Variants in BAHD1 observed in about 807,000 individuals in gnomAD.
BAHD1 encodes the protein bromo adjacent homology domain containing 1.
Under a neutral mutation model 63.1 loss-of-function variants are expected in BAHD1, and 20 were observed. That is an observed-to-expected ratio of 0.32 (90% CI 0.22 to 0.46). The LOEUF (loss-of-function observed/expected upper bound fraction) is 0.46, where lower values mean the gene tolerates loss of function less well. BAHD1 is among the 20% of genes least tolerant of loss of function. The probability of loss-of-function intolerance (pLI) is 1.00; values close to 1 mark genes in which losing one functional copy is unlikely to be tolerated. For missense variants in BAHD1, 939 were observed against 1,071.8 expected, an observed-to-expected ratio of 0.88 and a Z score of 1.73; for synonymous variants, 408 against 426.8, an observed-to-expected ratio of 0.96 and a Z score of 0.54.
intron 4 of BAHD1, 100 bp downstream of exon 4, chr15:40,464,120 T>C (rs1186371926): frequency 7.4e-7 from 1 of 1,345,182 alleles, no homozygotes; most frequent in Non-Finnish European, 1.0e-6. Flanking sequence ...GGCGTGAGTC[T>C]CCCCGTGTTC....
chr15:40,450,260 G>T (rs192017460), intron 1 of BAHD1, among the ~76,000 whole-genome samples: 14 of 152,334 alleles, frequency 9.2e-5, no homozygotes, highest in Middle Eastern at 3.4e-3. Context: ...AGTGGAGTGT[G>T]GGGGAGGCCT....
chr15:40,452,345 C>T (rs1239851977), intron 1 of BAHD1, among the ~76,000 whole-genome samples: 1 of 152,258 alleles, frequency 6.6e-6, no homozygotes, highest in Non-Finnish European at 1.5e-5. Context: ...TTCTGCTCTG[C>T]ATGGGTGCCT....
chr15:40,441,139 A>T lies in BAHD1; in HGVS notation c.-144A>T, dbSNP rs1258004661. The T allele has an allele frequency of 6.9e-6, 1 of 145,634 alleles. No homozygotes were observed. Among genetic ancestry groups the T allele is most frequent in the South Asian group, 2.1e-4 (1 of 4,680 alleles). 9.0% of individuals were successfully genotyped at this position (145,634 alleles called of 1,614,324 possible). A position where few individuals can be genotyped will look rare whatever the true frequency, so the allele number is the denominator to read the frequency against. On this transcript the variant is annotated 5_prime_UTR_variant, in exon 1 of 7. Coordinates refer to ENST00000416165, the MANE Select transcript of BAHD1 (RefSeq NM_014952.5). ...CTCCGCCCGCCCGGCCCCGGCCCCC[A>T]GGAGGAGGCGCTGACGCAGCAGCGT...
rs1314179292 is a variant in BAHD1, at chr15:40,441,098, C to G, written c.-185C>G. ...CGCCCGCCCCCCCCGACGGCCCCGC[C>G]CGGCCGCGGTCCCCGCTCCGCCCGC... On this transcript the variant is annotated 5_prime_UTR_variant, in exon 1 of 7. Transcript: ENST00000416165. 1 of 147,164 alleles carries G rather than the reference C, an allele frequency of 6.8e-6. No homozygotes were observed. The highest frequency in any genetic ancestry group is 1.5e-5 in the Non-Finnish European group (1 of 66,026). 9.1% of individuals were successfully genotyped at this position (147,164 alleles called of 1,614,324 possible).
At chr15:40,438,926 C>T (rs1032616518), upstream of BAHD1, among the ~76,000 whole-genome samples, 7 of 152,186 alleles carry the variant, frequency 4.6e-5, no homozygotes, top group Non-Finnish European at 1.0e-4. Flanking sequence ...ATGGCTCTGC[C>T]CCCGTGGCCA....
chr15:40,460,532 G>A (rs1025496906), intron 2 of BAHD1, among the ~76,000 whole-genome samples: 1 of 152,202 alleles, frequency 6.6e-6, no homozygotes, highest in Non-Finnish European at 1.5e-5. Flanking sequence ...TGACATGGAT[G>A]GAATGCGATC....
In BAHD1 at chr15:40,462,214, C is replaced by T. The variant is rs778274368; in HGVS notation, c.1735C>T (p.Arg579Cys). Residue 579 changes from arginine (R) to cysteine (C), a missense_variant, in exon 3 of 7, where the codon CGC (arginine) becomes TGC (cysteine). By Grantham distance (180) the Arg-to-Cys change is radical. Around this residue, in one of 5 missense-constraint regions of BAHD1, gnomAD observed 797 missense variants for 813.3 expected, o/e 0.98. Transcript: ENST00000416165. ...CAAGCAGCCACGTGTCCAGCGCCCA[C>T]GCCCTCGCCGCCGCCGTCGCCGCCG... is the stretch of plus-strand genomic sequence containing the variant. The part of the protein sequence containing the change: ...HPKQPRVQRP[R>C]PRRRRRRRTN... The T allele has an allele frequency of 2.8e-5, 45 of 1,611,632 alleles. No individual in the cohort carries two copies. Among genetic ancestry groups the T allele is most frequent in the Middle Eastern group, 3.3e-4 (2 of 6,058 alleles).
At chr15:40,452,662 G>A (rs929102126) in intron 1 of BAHD1, among the ~76,000 whole-genome samples, 7 of 152,142 alleles carry the variant, frequency 4.6e-5, no homozygotes, top group Non-Finnish European at 8.8e-5. Context: ...AGCAGTGCCA[G>A]CACCCCGTGC....
upstream of BAHD1, among the ~76,000 whole-genome samples, chr15:40,437,457 C>T: frequency 6.6e-6 from 1 of 152,208 alleles, no homozygotes; most frequent in East Asian, 1.9e-4. Flanking sequence ...CCCCCACCCC[C>T]CAGGGGCTTC....
At chr15:40,437,649 C>T (rs1311584995), upstream of BAHD1, among the ~76,000 whole-genome samples, 2 of 152,188 alleles carry the variant, frequency 1.3e-5, no homozygotes, top group Non-Finnish European at 2.9e-5. Context: ...GCCCCACTTC[C>T]AGGAAAGAAG....
At chr15:40,464,052 G>A (rs776829428) in intron 4 of BAHD1, 32 bp downstream of exon 4, 54 of 1,610,160 alleles carry the variant, frequency 3.4e-5, no homozygotes, top group Admixed American at 6.7e-5. Context: ...GACCCAAGGG[G>A]CAGCTGCCTT....
At chr15:40,445,779 TA>T (rs1366481052) in intron 1 of BAHD1, among the ~76,000 whole-genome samples, 1 of 152,190 alleles carries the variant, frequency 6.6e-6, no homozygotes, top group Non-Finnish European at 1.5e-5. Context: ...CCCAAGTATT[TA>T]TGGGAATTTG....
intron 1 of BAHD1, among the ~76,000 whole-genome samples, chr15:40,441,651 G>T (rs990790489): frequency 4.7e-5 from 7 of 147,786 alleles, no homozygotes; most frequent in African/African-American, 4.9e-5. Context: ...GCGGAGGGCG[G>T]GAGGACGCCG....
intron 2 of BAHD1, among the ~76,000 whole-genome samples, chr15:40,461,473 A>G (rs1487255006): frequency 6.6e-6 from 1 of 152,106 alleles, no homozygotes; most frequent in Non-Finnish European, 1.5e-5. Flanking sequence ...CCCTATCTCT[A>G]CTAAACATAC....
At chr15:40,448,236 C>T (rs931721850) in intron 1 of BAHD1, among the ~76,000 whole-genome samples, 2 of 148,496 alleles carry the variant, frequency 1.3e-5, no homozygotes, top group African/African-American at 2.5e-5. Context: ...AGCAAGACTC[C>T]ATCTCAAAAA....
intron 1 of BAHD1, among the ~76,000 whole-genome samples, chr15:40,442,922 G>A (rs1893443120): frequency 6.6e-6 from 1 of 152,204 alleles, no homozygotes; most frequent in Admixed American, 6.5e-5. Context: ...CAGCTTGGAG[G>A]ATGCTTAGGA....
Position 40,450,347 on chromosome 15 carries a change from C to T in BAHD1, c.-14-8104C>T, listed in dbSNP as rs1241594789. 5.3e-5 allele frequency among the ~76,000 whole-genome samples: 8 copies of T among 152,296 alleles called. No homozygotes were observed. In the East Asian group the frequency reaches 1.5e-3, roughly 29 times the overall value. ...GCTGAGGAGGCTGGAGGCAGAGCTC[C>T]ATCTTGGCCTGGCTGGCTAGTTTCT... is the stretch of plus-strand genomic sequence containing the variant. On this transcript the variant is annotated intron_variant, in intron 1 of 6. Coordinates refer to ENST00000416165, the MANE Select transcript of BAHD1 (RefSeq NM_014952.5).
chr15:40,460,659 T>A (rs1184424949), intron 2 of BAHD1, among the ~76,000 whole-genome samples: 1 of 152,168 alleles, frequency 6.6e-6, no homozygotes, highest in East Asian at 1.9e-4. Flanking sequence ...GGCAGAGGTA[T>A]CCTCACCTGC....
At chr15:40,444,786 G>A (rs952236847) in intron 1 of BAHD1, among the ~76,000 whole-genome samples, 1 of 152,116 alleles carries the variant, frequency 6.6e-6, no homozygotes, top group African/African-American at 2.4e-5. Context: ...CGGGAAAGAG[G>A]ACTGGTGACT....
Sources: gnomAD v4.1 joint callset for allele counts (sites outside exome capture counted in the v4.1 genomes callset) on GRCh38, gnomAD v4.1.1 for gene constraint, gnomAD v4.1.1 regional missense constraint, MANE v1.5 for transcripts, NCBI Gene and HGNC (gene_info 2026-07-23, HGNC 2026-07-21) for gene names.